Variants in RALYL observed in about 807,000 individuals in gnomAD.
The protein encoded by RALYL is RALY RNA binding protein like, also known as RNA-binding Raly-like protein.
In RALYL, 29 loss-of-function variants were observed where a neutral mutation model predicts 35.1. The ratio of observed to expected loss-of-function variants is 0.83; its 90% CI spans 0.61 to 1.13. The LOEUF (loss-of-function observed/expected upper bound fraction) is 1.13. Among genes scored for constraint, RALYL ranks in the 50% most tolerant of loss-of-function variants. The pLI, the probability that RALYL is intolerant of heterozygous loss-of-function variation, is 0.00. For synonymous variants in RALYL, 120 were observed against 127.6 expected, an observed-to-expected ratio of 0.94 and a Z score of 0.40; for missense variants, 359 against 360.4, an observed-to-expected ratio of 1.00 and a Z score of 0.03.
intron 1 of RALYL, among the ~76,000 whole-genome samples, chr8:84,277,998 C>T (rs537063301): frequency 2.6e-5 from 4 of 152,308 alleles, no homozygotes; most frequent in African/African-American, 9.6e-5. Flanking sequence ...TCTCACAGCT[C>T]CACTAGGCAG....
intron 1 of RALYL, among the ~76,000 whole-genome samples, chr8:84,289,469 A>T (rs564640505): frequency 3.3e-5 from 5 of 152,300 alleles, no homozygotes; most frequent in African/African-American, 9.6e-5. Context: ...GAGGAGTTGT[A>T]AATGGCTAGG....
At chr8:84,593,525 G>T (rs1813792632) in intron 2 of RALYL, among the ~76,000 whole-genome samples, 1 of 152,044 alleles carries the variant, frequency 6.6e-6, no homozygotes, top group Non-Finnish European at 1.5e-5. Flanking sequence ...CTCTAACAGG[G>T]TATCATATGA....
chr8:84,704,113 A>T (rs1413953517), intron 2 of RALYL, among the ~76,000 whole-genome samples: 1 of 152,196 alleles, frequency 6.6e-6, no homozygotes, highest in African/African-American at 2.4e-5. Flanking sequence ...GGACTTTATC[A>T]TTGAAACTTG....
At chr8:84,824,325 C>G (rs1230177215) in intron 4 of RALYL, among the ~76,000 whole-genome samples, 1 of 150,360 alleles carries the variant, frequency 6.7e-6, no homozygotes, top group Non-Finnish European at 1.5e-5. Context: ...GAGATCTCTA[C>G]AAGAACTACA....
intron 1 of RALYL, among the ~76,000 whole-genome samples, chr8:84,424,933 A>T (rs1188069472): frequency 6.6e-6 from 1 of 151,580 alleles, no homozygotes; most frequent in Non-Finnish European, 1.5e-5. Context: ...GTGTGCTGGG[A>T]GAACCACTCC....
intron 2 of RALYL, among the ~76,000 whole-genome samples, chr8:84,541,438 T>C (rs1292660644): frequency 2.0e-5 from 3 of 151,972 alleles, no homozygotes; most frequent in Non-Finnish European, 2.9e-5. Flanking sequence ...CAGAAAATAA[T>C]ATATAATAAA....
At chr8:84,282,688 GA>G (rs996293110) in intron 1 of RALYL, among the ~76,000 whole-genome samples, 2 of 72,764 alleles carry the variant, frequency 2.7e-5, no homozygotes, top group Non-Finnish European at 5.2e-5. Flanking sequence ...ATCTAAGCAA[GA>G]ATTAAAACGT....
intron 1 of RALYL, among the ~76,000 whole-genome samples, chr8:84,440,179 T>C (rs2048181177): frequency 6.6e-6 from 1 of 152,110 alleles, no homozygotes; most frequent in South Asian, 2.1e-4. Flanking sequence ...CAGGTAATAA[T>C]TGGAATTCTT....
intron 1 of RALYL, among the ~76,000 whole-genome samples, chr8:84,265,237 A>T (rs189047401): frequency 2.0e-5 from 3 of 152,348 alleles, no homozygotes; most frequent in Admixed American, 2.0e-4. Flanking sequence ...AGATCTGATT[A>T]AGGATATGGA....
At chr8:84,579,015 C>T (rs1018555950) in intron 2 of RALYL, among the ~76,000 whole-genome samples, 24 of 152,206 alleles carry the variant, frequency 1.6e-4, no homozygotes, top group Admixed American at 1.4e-3. Flanking sequence ...GGGACCACCC[C>T]TTTCTGCCCA....
At chr8:84,588,299 A>G (rs1036557150) in intron 2 of RALYL, among the ~76,000 whole-genome samples, 1 of 152,112 alleles carries the variant, frequency 6.6e-6, no homozygotes, top group African/African-American at 2.4e-5. Flanking sequence ...ACCTTTCTTT[A>G]TGCCATGATA....
chr8:84,386,665 A>G (rs1329049929), intron 1 of RALYL, among the ~76,000 whole-genome samples: 2 of 151,854 alleles, frequency 1.3e-5, no homozygotes, highest in Non-Finnish European at 2.9e-5. Context: ...AGTGCTATAT[A>G]TTGGTTACCA....
chr8:84,816,775 G>GTT (rs1827402676), intron 4 of RALYL, among the ~76,000 whole-genome samples: 1 of 152,126 alleles, frequency 6.6e-6, no homozygotes, highest in African/African-American at 2.4e-5. Context: ...TGGATTGTTT[G>GTT]TTTGTAACAC....
At chr8:84,534,720 G>A (rs1056624426) in intron 2 of RALYL, among the ~76,000 whole-genome samples, 5 of 152,114 alleles carry the variant, frequency 3.3e-5, no homozygotes, top group African/African-American at 1.2e-4. Context: ...ACAGGGAGAA[G>A]AAGGAAGGAG....
intron 1 of RALYL, among the ~76,000 whole-genome samples, chr8:84,208,517 G>A (rs555491238): frequency 3.9e-5 from 6 of 152,194 alleles, no homozygotes; most frequent in Admixed American, 2.6e-4. Flanking sequence ...CGGAAGGAGC[G>A]TAAGCTTTCT....
chr8:84,863,955 A>G (rs1838639729), intron 6 of RALYL, among the ~76,000 whole-genome samples: 1 of 152,210 alleles, frequency 6.6e-6, no homozygotes, highest in African/African-American at 2.4e-5. Context: ...AGTATACACA[A>G]GTTTCTATCT....
At chr8:84,856,184 G>C (rs974154940) in intron 5 of RALYL, among the ~76,000 whole-genome samples, 9 of 152,162 alleles carry the variant, frequency 5.9e-5, no homozygotes, top group Non-Finnish European at 1.3e-4. Flanking sequence ...TGAATTTCAG[G>C]ACTAGATGCA....
intron 1 of RALYL, among the ~76,000 whole-genome samples, chr8:84,497,991 A>G (rs1266721190): frequency 6.6e-6 from 1 of 150,754 alleles, no homozygotes; most frequent in Non-Finnish European, 1.5e-5. Context: ...TTTATTTTAG[A>G]ATTGAGGGTA....
intron 4 of RALYL, among the ~76,000 whole-genome samples, chr8:84,842,521 C>G (rs773400041): frequency 3.9e-5 from 6 of 152,174 alleles, no homozygotes; most frequent in East Asian, 3.8e-4. Context: ...AGATTCACAG[C>G]CGAATTCTAC....
Sources: allele counts gnomAD v4.1 joint callset (sites outside exome capture counted in the v4.1 genomes callset), GRCh38; gene constraint gnomAD v4.1.1; transcripts MANE v1.5; gene names NCBI Gene and HGNC (gene_info 2026-07-23, HGNC 2026-07-21).